Variants in ST3GAL5 observed in about 807,000 individuals in gnomAD.
ST3GAL5 encodes ST3 beta-galactoside alpha-2,3-sialyltransferase 5.
In ST3GAL5, 25 loss-of-function variants were observed where a neutral mutation model predicts 46.1. That is an observed-to-expected ratio of 0.54 (90% CI 0.40 to 0.76). The LOEUF (loss-of-function observed/expected upper bound fraction) is 0.76. ST3GAL5 is among the 30% of genes least tolerant of loss of function. The probability of loss-of-function intolerance (pLI) is 0.00; values close to 1 mark genes in which losing one functional copy is unlikely to be tolerated. For missense variants in ST3GAL5, 431 were observed against 521.2 expected (o/e 0.83, Z 1.69); for synonymous variants, 182 against 192.7 (o/e 0.94, Z 0.46).
intron 6 of ST3GAL5, among the ~76,000 whole-genome samples, chr2:85,841,015 G>A (rs1682001529): frequency 7.1e-6 from 1 of 140,766 alleles, no homozygotes; most frequent in African/African-American, 2.6e-5. Context: ...TATATGTGAT[G>A]CCCAGAATCA....
Position 85,846,403 on chromosome 2 carries a change from G to A in ST3GAL5, c.823C>T (p.Gln275Ter). The change falls in exon 5 of 7, where the codon CAA becomes TAA. Residue 275 changes from glutamine to a stop codon, truncating the protein, a stop_gained. Coordinates refer to ENST00000638572, the MANE Select transcript of ST3GAL5 (RefSeq NM_003896.4). LOFTEE classifies it high-confidence loss of function. ...AGGGTTTCCTTTTTTACCATTGCTT[G>A]AAGCCAGTTGAAATCAACACTCTTA... The part of the protein sequence containing the change: ...LFKSVDFNWL[Q>*]AMVKKETLPF... 2 of 1,614,120 alleles carry A rather than the reference G, an allele frequency of 1.2e-6. No individual in the cohort carries two copies. The highest frequency in any genetic ancestry group is 1.7e-6 in the Non-Finnish European group (2 of 1,180,008).
intron 6 of ST3GAL5, among the ~76,000 whole-genome samples, chr2:85,842,974 T>G (rs975217136): frequency 3.9e-5 from 6 of 152,120 alleles, no homozygotes; most frequent in Non-Finnish European, 8.8e-5. Flanking sequence ...GTCAGGCTGG[T>G]CTCGAACTCC....
In ST3GAL5 at chr2:85,848,180, C is replaced by T. The variant is rs768713355; in HGVS notation, c.343G>A (p.Val115Ile). ...VKRAQKYAQQVLQKECRPKFA... is the reference protein window; with the variant it reads ...VKRAQKYAQQILQKECRPKFA... Reference sequence around the variant, plus strand: ...TTGGGACGACATTCCTTCTGCAAGACTTGCTGAGCATATTTCTGAGCTCTC... The same window carrying T: ...TTGGGACGACATTCCTTCTGCAAGATTTGCTGAGCATATTTCTGAGCTCTC... Residue 115 changes from valine to isoleucine, a missense_variant, in exon 4 of 7, where the codon GTC becomes ATC. Val to Ile is a conservative substitution (Grantham distance 29, BLOSUM62 3). Coordinates refer to ENST00000638572, the MANE Select transcript of ST3GAL5 (RefSeq NM_003896.4). 1.9e-6 allele frequency: 3 copies of T among 1,614,234 alleles called. No homozygotes were observed. Among genetic ancestry groups the T allele is most frequent in the Non-Finnish European group, 2.5e-6 (3 of 1,180,044 alleles).
At chr2:85,882,277 G>A (rs768216667) in intron 1 of ST3GAL5, among the ~76,000 whole-genome samples, 4 of 152,216 alleles carry the variant, frequency 2.6e-5, no homozygotes, top group Non-Finnish European at 5.9e-5. Flanking sequence ...GCCACACAGA[G>A]TCCCTACTGG....
At chr2:85,852,724 G>C in intron 3 of ST3GAL5, 1 of 449,254 alleles carries the variant, frequency 2.2e-6, no homozygotes, top group Non-Finnish European at 3.9e-6. Context: ...ATCTTATGTA[G>C]ATTTCATCCC....
At chr2:85,863,992 C>T (rs2104085913) in intron 1 of ST3GAL5, among the ~76,000 whole-genome samples, 1 of 152,294 alleles carries the variant, frequency 6.6e-6, no homozygotes, top group Non-Finnish European at 1.5e-5. Context: ...ATGCATGAGC[C>T]ACTGCACCCG....
chr2:85,865,487 T>C (rs1175064735), intron 1 of ST3GAL5, among the ~76,000 whole-genome samples: 1 of 152,228 alleles, frequency 6.6e-6, no homozygotes, highest in African/African-American at 2.4e-5. Flanking sequence ...GAGGGCCTTA[T>C]TAATAAACCT....
chr2:85,870,499 G>A (rs1490021991), intron 1 of ST3GAL5, among the ~76,000 whole-genome samples: 4 of 151,996 alleles, frequency 2.6e-5, no homozygotes, highest in Non-Finnish European at 4.4e-5. Flanking sequence ...TCTCACTCAG[G>A]CTGCCAGGAA....
chr2:85,873,616 TAG>T (rs1465473180), intron 1 of ST3GAL5, among the ~76,000 whole-genome samples: 1 of 151,886 alleles, frequency 6.6e-6, no homozygotes. Context: ...GAGCCCTCTG[TAG>T]AGAGAGGCCA....
intron 1 of ST3GAL5, among the ~76,000 whole-genome samples, chr2:85,873,877 C>A (rs958940048): frequency 2.6e-5 from 4 of 152,180 alleles, no homozygotes; most frequent in South Asian, 2.1e-4. Context: ...GGTGGTAGGT[C>A]CAGGTGAGGA....
At chr2:85,854,724 G>A (rs1263048564) in intron 3 of ST3GAL5, 1 of 152,196 alleles carries the variant, frequency 6.6e-6, no homozygotes. Context: ...ATATGTAAGT[G>A]CATATTAAGT....
At chr2:85,884,745 TGAG>T (rs1687563183) in intron 1 of ST3GAL5, among the ~76,000 whole-genome samples, 2 of 151,932 alleles carry the variant, frequency 1.3e-5, no homozygotes, top group Admixed American at 6.6e-5. Context: ...ACACAGAGGC[TGAG>T]GAGGAGAGAG....
At chr2:85,849,927 CAT>C (rs1683292105) in intron 3 of ST3GAL5, 1 of 150,954 alleles carries the variant, frequency 6.6e-6, no homozygotes, top group South Asian at 2.1e-4. Flanking sequence ...AGGAATTCAA[CAT>C]ATCTTTTCAA....
chr2:85,884,074 C>T (rs901421568), intron 1 of ST3GAL5, among the ~76,000 whole-genome samples: 2 of 152,190 alleles, frequency 1.3e-5, no homozygotes, highest in Non-Finnish European at 2.9e-5. Context: ...GGCCAGACTG[C>T]CTGAGTCTGA....
chr2:85,865,868 C>T (rs1446721802), intron 1 of ST3GAL5: 1 of 152,238 alleles, frequency 6.6e-6, no homozygotes, highest in Non-Finnish European at 1.5e-5. Context: ...CAGCTGGCTT[C>T]TCGTAAAGTT....
intron 1 of ST3GAL5, chr2:85,866,007 T>A (rs1012257977): frequency 6.6e-6 from 1 of 152,256 alleles, no homozygotes; most frequent in Non-Finnish European, 1.5e-5. Context: ...AGCAGTCGTG[T>A]GCATTCGGAT....
chr2:85,844,926 A>T, intron 5 of ST3GAL5: 1 of 325,122 alleles, frequency 3.1e-6, no homozygotes, highest in South Asian at 2.8e-5. Flanking sequence ...ATCCTCTCTC[A>T]CTTACTCTAT....
chr2:85,882,830 G>T (rs1687314731), intron 1 of ST3GAL5, among the ~76,000 whole-genome samples: 2 of 40,678 alleles, frequency 4.9e-5, no homozygotes, highest in Non-Finnish European at 5.2e-5. Context: ...GAGAGACTCT[G>T]TCTCAAAAAA....
Position 85,863,401 on chromosome 2 carries a change from T to G in ST3GAL5, c.167A>C (p.Lys56Thr). Residue 56 changes from lysine (K) to threonine (T), a missense_variant, in exon 2 of 7, where the codon AAG (lysine) becomes ACG (threonine). By Grantham distance (78) the Lys-to-Thr change is moderately conservative. Coordinates refer to ENST00000638572, the MANE Select transcript of ST3GAL5 (RefSeq NM_003896.4). ...SLQWYTRAQS[K>T]MRRPSLLLKD... ...TAATAACAAGCTGGGCCTTCTCATC[T>G]TGCTTTGAGCTCGGGTGTACCATTG... 1 of 1,614,260 alleles carries G rather than the reference T, an allele frequency of 6.2e-7. No individual in the cohort carries two copies. Among genetic ancestry groups the G allele is most frequent in the Non-Finnish European group, 8.5e-7 (1 of 1,180,044 alleles).
Sources: gnomAD v4.1 joint callset for allele counts (sites outside exome capture counted in the v4.1 genomes callset) on GRCh38, gnomAD v4.1.1 for gene constraint, MANE v1.5 for transcripts, NCBI Gene and HGNC (gene_info 2026-07-23, HGNC 2026-07-21) for gene names.